Variants in CD37 observed in about 807,000 individuals in gnomAD.
CD37 encodes the protein CD37 molecule.
In CD37, 37 loss-of-function variants were observed where a neutral mutation model predicts 38.9. The observed-to-expected ratio is 0.95, with a 90% CI of 0.73 to 1.25. The LOEUF is 1.25. Among genes scored for constraint, CD37 ranks in the 50% most tolerant of loss-of-function variants. CD37 has a pLI of 0.00. For missense variants in CD37, 351 were observed against 360.1 expected (o/e 0.97, Z 0.20); for synonymous variants, 146 against 150.1 (o/e 0.97, Z 0.20).
Position 49,336,927 on chromosome 19 carries a change from TGCA to T in CD37, c.163_165del (p.Gln55del). ...CTCCCAGGCTTGGCCTTCGTGCCTCTGCAGATCTGGTCCAAAGTCCTGGCCATC... is the reference window on the plus strand; with the variant it reads ...CTCCCAGGCTTGGCCTTCGTGCCTCTGATCTGGTCCAAAGTCCTGGCCATC... On this transcript the variant is annotated inframe_deletion, in exon 3 of 8. Coordinates refer to ENST00000323906, the MANE Select transcript of CD37 (RefSeq NM_001774.3). The T allele has an allele frequency of 1.2e-6, 2 of 1,614,180 alleles. No individual in the cohort carries two copies. Among genetic ancestry groups the T allele is most frequent in the Non-Finnish European group, 1.7e-6 (2 of 1,180,004 alleles).
At position 49,336,908 on chromosome 19, in the gene CD37, G is replaced by C. The variant is rs1181973904; in HGVS notation, c.143-1G>C. 1.9e-6 allele frequency: 3 copies of C among 1,614,062 alleles called. No homozygotes were observed. The highest frequency in any genetic ancestry group is 2.5e-6 in the Non-Finnish European group (3 of 1,179,940). On this transcript the variant is annotated splice_acceptor_variant, in intron 2 of 7. Coordinates refer to ENST00000323906, the MANE Select transcript of CD37 (RefSeq NM_001774.3). LOFTEE classifies it high-confidence loss of function. ...ATCATCACTCCCCTCACCTCTCCCA[G>C]GCTTGGCCTTCGTGCCTCTGCAGAT...
At position 49,339,322 on chromosome 19, in the gene CD37, C is replaced by A. The variant is rs1255202083; in HGVS notation, c.685-8C>A. The A allele has an allele frequency of 3.1e-6, 5 of 1,610,070 alleles. No individual in the cohort carries two copies. Among genetic ancestry groups the A allele is most frequent in the Middle Eastern group, 1.7e-4 (1 of 6,048 alleles). ...AGAATCCCTTTAACTTTTCCCTACA[C>A]CCCCCAGGGCTGCGCGCAGGGCCTC... On this transcript the variant is annotated splice_region_variant and splice_polypyrimidine_tract_variant and intron_variant, in intron 6 of 7. Coordinates refer to ENST00000323906, the MANE Select transcript of CD37 (RefSeq NM_001774.3). The surrounding 1 kb of genome is among the most constrained non-coding windows in gnomAD (Gnocchi z 4.5).
At position 49,335,562 on chromosome 19, in the gene CD37, C is replaced by A; in HGVS notation, c.22C>A (p.Leu8Ile). MSAQESC[L>I]SLIKYFLFVF... ...GAAGATGTCAGCCCAGGAGAGCTGC[C>A]TCAGCCTCATCAAGTACTTCCTCTT... The change falls in exon 1 of 8, where the codon CTC (leucine) becomes ATC (isoleucine). Residue 8 changes from leucine (L) to isoleucine (I), a missense_variant. Coordinates refer to ENST00000323906, the MANE Select transcript of CD37 (RefSeq NM_001774.3). The surrounding 1 kb of genome is among the most constrained non-coding windows in gnomAD (Gnocchi z 4.6). 1 of 1,614,050 alleles carries A rather than the reference C, an allele frequency of 6.2e-7. No homozygotes were observed. Among genetic ancestry groups the A allele is most frequent in the Non-Finnish European group, 8.5e-7 (1 of 1,179,928 alleles).
chr19:49,336,516 T>A (rs1452385527), intron 2 of CD37: 1 of 178,850 alleles, frequency 5.6e-6, no homozygotes, highest in African/African-American at 2.4e-5. Flanking sequence ...CGAGATCACA[T>A]CACTGCACTC....
chr19:49,337,723 T>C (rs1296971737), intron 4 of CD37: 1 of 1,534,972 alleles, frequency 6.5e-7, no homozygotes. Flanking sequence ...ATAGACGCCC[T>C]GAAAGAAGAG....
rs1303604899 is a variant in CD37 at position 49,337,823 on chromosome 19, C to T, written c.343-102C>T. 4.4e-6 allele frequency: 7 copies of T among 1,579,536 alleles called. No homozygotes were observed. In the East Asian group the frequency reaches 1.6e-4, roughly 37 times the overall value. On this transcript the variant is annotated intron_variant, in intron 4 of 7. Transcript: ENST00000323906. ...CTAGCCATTCAGTAAGGATTTGAGACTGGCCCAGAGATGCACAGGGCCCGC... is the reference window on the plus strand; with the variant it reads ...CTAGCCATTCAGTAAGGATTTGAGATTGGCCCAGAGATGCACAGGGCCCGC...
At position 49,338,626 on chromosome 19, in the gene CD37, C is replaced by G. The variant is rs112131712; in HGVS notation, c.448-74C>G. 57 of 1,099,398 alleles carry G rather than the reference C, an allele frequency of 5.2e-5. 1 individual carries two copies. The African/African-American group carries it at 7.6e-4, about 15-fold the overall frequency. 68.1% of individuals were successfully genotyped at this position (1,099,398 alleles called of 1,614,324 possible). ...CTGCTCCCCGACCTGACCTCATACC[C>G]ATCACCTTGTCCCCTGATCCCCAAC... On this transcript the variant is annotated intron_variant, in intron 5 of 7. Coordinates refer to ENST00000323906, the MANE Select transcript of CD37 (RefSeq NM_001774.3). The surrounding 1 kb of genome is among the most constrained non-coding windows in gnomAD (Gnocchi z 5.0).
At chr19:49,340,160 C>A in intron 7 of CD37, 91 bp from the exon 8 acceptor site, 1 of 1,519,370 alleles carries the variant, frequency 6.6e-7, no homozygotes, top group Non-Finnish European at 9.0e-7. Context: ...AATTCACGGC[C>A]CCACCCCTGA....
rs1421114739 is a variant in CD37 at position 49,339,274 on chromosome 19, G to T, written c.685-56G>T. On this transcript the variant is annotated intron_variant, in intron 6 of 7. Coordinates refer to ENST00000323906, the MANE Select transcript of CD37 (RefSeq NM_001774.3). This position sits in a 1 kb window ranked among gnomAD's most constrained non-coding sequence, Gnocchi z 4.5. ...AGGGTTGGCCTGAAAAGAACGCTGG[G>T]CCTGGGCTTGAGAGTCCCAGAAAGA... The T allele has an allele frequency of 2.7e-6, 4 of 1,498,026 alleles. No individual in the cohort carries two copies. Among genetic ancestry groups the T allele is most frequent in the Non-Finnish European group, 3.7e-6 (4 of 1,078,870 alleles). 92.8% of individuals were successfully genotyped at this position (1,498,026 alleles called of 1,614,324 possible).
chr19:49,337,313 C>T, intron 4 of CD37, 92 bp downstream of exon 4: 1 of 1,205,888 alleles, frequency 8.3e-7, no homozygotes, highest in Non-Finnish European at 1.2e-6. Flanking sequence ...GAAACAAGGG[C>T]AGACAGGGGC....
chr19:49,339,851 C>T lies in CD37; in HGVS notation c.769-400C>T. The T allele has an allele frequency of 1.5e-6, 2 of 1,334,744 alleles. No homozygotes were observed. The highest frequency in any genetic ancestry group is 3.0e-5 in the African/African-American group (2 of 67,740). 82.7% of individuals were successfully genotyped at this position (1,334,744 alleles called of 1,614,324 possible). On this transcript the variant is annotated intron_variant, in intron 7 of 7. Coordinates refer to ENST00000323906, the MANE Select transcript of CD37 (RefSeq NM_001774.3). The surrounding 1 kb of genome is among the most constrained non-coding windows in gnomAD (Gnocchi z 4.5). Reference sequence around the variant, plus strand: ...TGCCCCAACTGGGGAGACAAGGCACCGCAGGGCAAGCTGCCCATGGCCCTG... The same window carrying T: ...TGCCCCAACTGGGGAGACAAGGCACTGCAGGGCAAGCTGCCCATGGCCCTG...
chr19:49,336,345 C>G (rs936573262), intron 2 of CD37: 2 of 158,904 alleles, frequency 1.3e-5, no homozygotes, highest in African/African-American at 4.8e-5. Context: ...CACTTGAGGT[C>G]AGGAGTTCGA....
At position 49,339,457 on chromosome 19, in the gene CD37, A is replaced by T. The variant is rs967990607; in HGVS notation, c.768+44A>T. The T allele has an allele frequency of 6.3e-7, 1 of 1,580,684 alleles. No individual in the cohort carries two copies. Among genetic ancestry groups the T allele is most frequent in the Non-Finnish European group, 8.7e-7 (1 of 1,153,124 alleles). ...CACCCGCGATCGGCCCTAAATCCCT[A>T]GATGGCCCTGCCCTTCATTTCGCGT... On this transcript the variant is annotated intron_variant, in intron 7 of 7. Transcript: ENST00000323906. This position sits in a 1 kb window ranked among gnomAD's most constrained non-coding sequence, Gnocchi z 4.5.
In CD37 at chr19:49,340,415, G is replaced by C. The variant is rs1164685353; in HGVS notation, c.*87G>C. On this transcript the variant is annotated 3_prime_UTR_variant, in exon 8 of 8. Coordinates refer to ENST00000323906, the MANE Select transcript of CD37 (RefSeq NM_001774.3). ...CCTGTAAATATTTGTTTAATCCCCA[G>C]TTCGCCTGGAGCCCTCCGCCTTCAC... 1 of 971,932 alleles carries C rather than the reference G, an allele frequency of 1.0e-6. No individual in the cohort carries two copies. The highest frequency in any genetic ancestry group is 1.6e-5 in the African/African-American group (1 of 62,744). 60.2% of individuals were successfully genotyped at this position (971,932 alleles called of 1,614,324 possible). A position where few individuals can be genotyped will look rare whatever the true frequency, so the allele number is the denominator to read the frequency against.
In CD37 at chr19:49,338,058, G is replaced by A. The variant is rs1971027528; in HGVS notation, c.447+29G>A. On this transcript the variant is annotated intron_variant, in intron 5 of 7. Transcript: ENST00000323906. The surrounding 1 kb of genome is among the most constrained non-coding windows in gnomAD (Gnocchi z 5.0). Reference sequence around the variant, plus strand: ...AGCCCCCCTCCTCCAGTTCCCTCCCGGACTGACCCGCCTCAGCCCTGTGCT... The same window carrying A: ...AGCCCCCCTCCTCCAGTTCCCTCCCAGACTGACCCGCCTCAGCCCTGTGCT... 1 of 1,608,232 alleles carries A rather than the reference G, an allele frequency of 6.2e-7. No individual in the cohort carries two copies. Among genetic ancestry groups the A allele is most frequent in the African/African-American group, 1.3e-5 (1 of 74,748 alleles).
chr19:49,338,119 C>G lies in CD37; in HGVS notation c.447+90C>G. 6.5e-7 allele frequency: 1 copy of G among 1,528,198 alleles called. No individual in the cohort carries two copies. The highest frequency in any genetic ancestry group is 2.1e-5 in the Admixed American group (1 of 48,280). 94.7% of individuals were successfully genotyped at this position (1,528,198 alleles called of 1,614,324 possible). A position where few individuals can be genotyped will look rare whatever the true frequency, so the allele number is the denominator to read the frequency against. The stretch of plus-strand genomic sequence containing the variant: ...TCCACCCCAACGTGGGCCCGACCCC[C>G]AGCTCTACGATCCTAACACACCCCA... On this transcript the variant is annotated intron_variant, in intron 5 of 7. Coordinates refer to ENST00000323906, the MANE Select transcript of CD37 (RefSeq NM_001774.3). This position sits in a 1 kb window ranked among gnomAD's most constrained non-coding sequence, Gnocchi z 5.0.
Position 49,335,478 on chromosome 19 carries a change from G to A in CD37, c.-63G>A. On this transcript the variant is annotated 5_prime_UTR_variant, in exon 1 of 8. Transcript: ENST00000323906. This position sits in a 1 kb window ranked among gnomAD's most constrained non-coding sequence, Gnocchi z 4.6. ...TCTCTCAGCCTCTTTCTTTCTCCCT[G>A]TCTCCCCCACTGTCAGCACCTCTTC... 8.8e-7 allele frequency: 1 copy of A among 1,136,176 alleles called. No individual in the cohort carries two copies. The allele number at this position is 1,136,176 out of a possible 1,614,324, so 70.4% of individuals were successfully genotyped here.
chr19:49,339,584 A>T lies in CD37; in HGVS notation c.768+171A>T. On this transcript the variant is annotated intron_variant, in intron 7 of 7. Transcript: ENST00000323906. The surrounding 1 kb of genome is among the most constrained non-coding windows in gnomAD (Gnocchi z 4.5). ...CGGAGGGTGGGGGCGGCCCAGCTTCAGGGAGCCCTGATTGGGTGTACGCAG... is the reference window on the plus strand; with the variant it reads ...CGGAGGGTGGGGGCGGCCCAGCTTCTGGGAGCCCTGATTGGGTGTACGCAG... 1 of 1,452,070 alleles carries T rather than the reference A, an allele frequency of 6.9e-7. No individual in the cohort carries two copies. Among genetic ancestry groups the T allele is most frequent in the East Asian group, 2.5e-5 (1 of 40,670 alleles). 89.9% of individuals were successfully genotyped at this position (1,452,070 alleles called of 1,614,324 possible). A position where few individuals can be genotyped will look rare whatever the true frequency, so the allele number is the denominator to read the frequency against.
At position 49,340,452 on chromosome 19, in the gene CD37, G is replaced by T. The variant is rs1266826229; in HGVS notation, c.*124G>T. On this transcript the variant is annotated 3_prime_UTR_variant, in exon 8 of 8. Coordinates refer to ENST00000323906, the MANE Select transcript of CD37 (RefSeq NM_001774.3). ...CCCTCCGCCTTCACATTCCCCTGGGGACCCACGTGGCTGCGTGCCCCTGCT... is the reference window on the plus strand; with the variant it reads ...CCCTCCGCCTTCACATTCCCCTGGGTACCCACGTGGCTGCGTGCCCCTGCT... The T allele has an allele frequency of 2.7e-6, 2 of 742,912 alleles. No homozygotes were observed. Among genetic ancestry groups the T allele is most frequent in the Non-Finnish European group, 4.7e-6 (2 of 422,314 alleles). 46.0% of individuals were successfully genotyped at this position (742,912 alleles called of 1,614,324 possible).
Sources: allele counts gnomAD v4.1 joint callset, GRCh38; gene constraint gnomAD v4.1.1; non-coding constraint Gnocchi (gnomAD v3.1); transcripts MANE v1.5; gene names NCBI Gene and HGNC (gene_info 2026-07-23, HGNC 2026-07-21).